EPB41L3: variants seen among roughly 807,000 people sequenced by gnomAD.
The protein encoded by EPB41L3 is erythrocyte membrane protein band 4.1 like 3.
In EPB41L3, 57 loss-of-function variants were observed where a neutral mutation model predicts 127.1. The observed-to-expected ratio is 0.45, with a 90% CI of 0.36 to 0.56. The LOEUF (loss-of-function observed/expected upper bound fraction) is 0.56. Among genes scored for constraint, EPB41L3 ranks in the 20% least tolerant of loss-of-function variants. The pLI is 0.00. For missense variants in EPB41L3, 1,273 were observed against 1,372.2 expected, an observed-to-expected ratio of 0.93 and a Z score of 1.14; for synonymous variants, 572 against 549.5, an observed-to-expected ratio of 1.04 and a Z score of -0.57.
intron 16 of EPB41L3, chr18:5,400,591 C>G (rs1202766152): frequency 2.2e-6 from 1 of 460,150 alleles, no homozygotes; most frequent in African/African-American, 2.0e-5. Context: ...CTTTATCACA[C>G]TTGGCTAGTG....
intron 3 of EPB41L3, chr18:5,610,198 G>A: frequency 1.0e-6 from 1 of 985,390 alleles, no homozygotes; most frequent in Non-Finnish European, 1.2e-6. Context: ...ATGATTGGCA[G>A]GTCCATATTC....
chr18:5,405,654 T>G (rs1186728664), intron 16 of EPB41L3, among the ~76,000 whole-genome samples: 1 of 151,974 alleles, frequency 6.6e-6, no homozygotes, highest in African/African-American at 2.4e-5. Flanking sequence ...TAGCCAAGTG[T>G]GGTGGTGCCT....
rs75679435 is a variant in EPB41L3 at position 5,532,933 on chromosome 18, G to A, written c.-12+10980C>T. Among the ~76,000 whole-genome samples the A allele has an allele frequency of 8.8e-3, 1,338 of 152,210 alleles. 23 individuals carry two copies. The highest frequency in any genetic ancestry group is 0.031 in the African/African-American group (1,293 of 41,520). ...CTTAAATAAGAGCATGGAGAAATAA[G>A]AGGTATGATGGTAAGTCAATAAAGC... On this transcript the variant is annotated intron_variant, in intron 1 of 22. Coordinates refer to ENST00000341928, the MANE Select transcript of EPB41L3 (RefSeq NM_012307.5).
In EPB41L3 at chr18:5,540,461, T is replaced by C. The variant is rs922892492; in HGVS notation, c.-12+3452A>G. The stretch of plus-strand genomic sequence containing the variant: ...CCCCACCCTTGTTTCCTTTGAGCCA[T>C]AGTGATGTCACAACACCAGGCAGGA... On this transcript the variant is annotated intron_variant, in intron 1 of 22. Coordinates refer to ENST00000341928, the MANE Select transcript of EPB41L3 (RefSeq NM_012307.5). 2.3e-5 allele frequency: 23 copies of C among 985,428 alleles called. No individual in the cohort carries two copies. In the Admixed American group the frequency reaches 2.5e-4, roughly 11 times the overall value. The allele number at this position is 985,428 out of a possible 1,614,324, so 61.0% of individuals were successfully genotyped here.
At chr18:5,421,624 AATACTACTCAGTC>A (rs1234797877) in intron 11 of EPB41L3, among the ~76,000 whole-genome samples, 2 of 152,202 alleles carry the variant, frequency 1.3e-5, no homozygotes, top group Non-Finnish European at 2.9e-5. Flanking sequence ...TACATCATGG[AATACTACTCAGTC>A]ATAAAAATGA....
At chr18:5,621,898 G>A (rs2094866976) in intron 1 of EPB41L3, among the ~76,000 whole-genome samples, 2 of 152,112 alleles carry the variant, frequency 1.3e-5, no homozygotes, top group Admixed American at 6.5e-5. Flanking sequence ...GAATAAGCAA[G>A]GCTAAATATC....
chr18:5,419,890 T>C lies in EPB41L3; in HGVS notation c.1340-13A>G, dbSNP rs779066372. The C allele has an allele frequency of 2.8e-5, 46 of 1,614,086 alleles. No homozygotes were observed. The highest frequency in any genetic ancestry group is 3.7e-5 in the Non-Finnish European group (44 of 1,180,042). Reference sequence around the variant, plus strand: ...CCAGTACCAACCTCTGCAGCAGACATAGAATCCTTCATGTATATTTCATGG... The same window carrying C: ...CCAGTACCAACCTCTGCAGCAGACACAGAATCCTTCATGTATATTTCATGG... On this transcript the variant is annotated splice_polypyrimidine_tract_variant and intron_variant, in intron 11 of 22. Transcript: ENST00000341928.
At chr18:5,440,511 T>C (rs1225168114) in intron 5 of EPB41L3, among the ~76,000 whole-genome samples, 1 of 152,128 alleles carries the variant, frequency 6.6e-6, no homozygotes, top group Non-Finnish European at 1.5e-5. Flanking sequence ...ACTCTACATC[T>C]GCTCAAATGA....
intron 1 of EPB41L3, 111 bp from the exon 2 acceptor site, chr18:5,489,305 T>C (rs886776661): frequency 7.8e-7 from 1 of 1,287,730 alleles, no homozygotes; most frequent in African/African-American, 1.6e-5. Context: ...GAGAGGGAGA[T>C]GCTACCAAAC....
At chr18:5,446,405 C>T (rs1426100491) in intron 3 of EPB41L3, among the ~76,000 whole-genome samples, 3 of 152,190 alleles carry the variant, frequency 2.0e-5, no homozygotes, top group Non-Finnish European at 2.9e-5. Context: ...CCTAATCCTT[C>T]AAAGGCCTTT....
chr18:5,610,377 T>C, intron 3 of EPB41L3: 2 of 847,770 alleles, frequency 2.4e-6, no homozygotes, highest in Non-Finnish European at 2.8e-6. Flanking sequence ...AAGGAGAAAG[T>C]TTCTGTAGAA....
At chr18:5,459,340 C>G (rs1271540499) in intron 3 of EPB41L3, among the ~76,000 whole-genome samples, 1 of 151,508 alleles carries the variant, frequency 6.6e-6, no homozygotes, top group Non-Finnish European at 1.5e-5. Context: ...CATTCATTGG[C>G]TTCTAGTAGG....
upstream of EPB41L3, chr18:5,544,156 G>A (rs1225982330): frequency 2.0e-6 from 2 of 985,402 alleles, no homozygotes; most frequent in Admixed American, 6.1e-5. Flanking sequence ...CCCAGCCGCG[G>A]GGGAGGGGGC....
intron 16 of EPB41L3, among the ~76,000 whole-genome samples, chr18:5,402,756 C>T (rs917370781): frequency 6.6e-6 from 1 of 152,154 alleles, no homozygotes; most frequent in Non-Finnish European, 1.5e-5. Context: ...GTTACTTAAA[C>T]ATTATAAGTT....
At chr18:5,400,928 G>T in intron 16 of EPB41L3, 2 of 1,308,092 alleles carry the variant, frequency 1.5e-6, no homozygotes, top group Non-Finnish European at 1.1e-6. Flanking sequence ...GAAGTCTGAA[G>T]ACCAATTTCT....
At chr18:5,560,817 C>T (rs78436080) in intron 3 of EPB41L3, among the ~76,000 whole-genome samples, 2,089 of 152,118 alleles carry the variant, frequency 0.014, 45 homozygotes, top group African/African-American at 0.048. Flanking sequence ...CCCTCTGTGG[C>T]TTCCTTATGG....
intron 4 of EPB41L3, among the ~76,000 whole-genome samples, chr18:5,444,391 T>C (rs756278447): frequency 1.3e-4 from 20 of 152,108 alleles, no homozygotes; most frequent in Non-Finnish European, 2.8e-4. Flanking sequence ...AAGTGAGGCA[T>C]TGTCTGGAGA....
At chr18:5,619,655 C>T (rs188638752) in intron 1 of EPB41L3, among the ~76,000 whole-genome samples, 1 of 152,312 alleles carries the variant, frequency 6.6e-6, no homozygotes, top group Admixed American at 6.5e-5. Flanking sequence ...ATTTAACAAA[C>T]ACCCCCTTTC....
At chr18:5,597,691 A>C (rs2094550328) in intron 3 of EPB41L3, among the ~76,000 whole-genome samples, 1 of 152,168 alleles carries the variant, frequency 6.6e-6, no homozygotes, top group Admixed American at 6.5e-5. Context: ...AAATCCTGCA[A>C]ATCAGCCTCA....
Sources: allele counts gnomAD v4.1 joint callset (sites outside exome capture counted in the v4.1 genomes callset), GRCh38; gene constraint gnomAD v4.1.1; transcripts MANE v1.5; gene names NCBI Gene and HGNC (gene_info 2026-07-23, HGNC 2026-07-21).